Variants in CLHC1 observed in about 807,000 individuals in gnomAD.
CLHC1 encodes the protein clathrin heavy chain linker domain-containing protein 1.
A neutral mutation model predicts 69.5 loss-of-function variants in CLHC1; 72 were observed. The observed-to-expected ratio is 1.04, with a 90% CI of 0.86 to 1.26. The LOEUF (loss-of-function observed/expected upper bound fraction) is 1.26. Ranked by LOEUF, CLHC1 falls within the 50% of genes most tolerant of loss-of-function variation. The pLI, the probability that CLHC1 is intolerant of heterozygous loss-of-function variation, is 0.00. For missense variants in CLHC1, 790 were observed against 679.3 expected (o/e 1.16, Z -1.81); for synonymous variants, 223 against 224.3 (o/e 0.99, Z 0.05).
At chr2:55,176,942 G>A (rs533617768) in intron 12 of CLHC1, among the ~76,000 whole-genome samples, 7 of 152,086 alleles carry the variant, frequency 4.6e-5, no homozygotes, top group Admixed American at 6.5e-5. Flanking sequence ...GCACAGTCAC[G>A]GCTCACTGTA....
chr2:55,229,545 G>T (rs980711909), intron 1 of CLHC1, among the ~76,000 whole-genome samples: 37 of 152,310 alleles, frequency 2.4e-4, no homozygotes, highest in African/African-American at 8.7e-4. Context: ...AGCATGTAGG[G>T]TCTTGAGGGC....
Position 55,175,165 on chromosome 2 carries a change from T to A in CLHC1, c.*625A>T, listed in dbSNP as rs1363544451. 6.6e-6 allele frequency: 1 copy of A among 152,232 alleles called. No homozygotes were observed. The highest frequency in any genetic ancestry group is 2.4e-5 in the African/African-American group (1 of 41,464). 9.4% of individuals were successfully genotyped at this position (152,232 alleles called of 1,614,324 possible). A position where few individuals can be genotyped will look rare whatever the true frequency, so the allele number is the denominator to read the frequency against. Reference sequence around the variant, plus strand: ...ACCACTTCTTATGACATATTTTCCATACCTATAGGTATCACAGGTCTACTT... The same window carrying A: ...ACCACTTCTTATGACATATTTTCCAAACCTATAGGTATCACAGGTCTACTT... On this transcript the variant is annotated 3_prime_UTR_variant, in exon 13 of 13. Transcript: ENST00000401408.
intron 9 of CLHC1, among the ~76,000 whole-genome samples, chr2:55,194,876 T>C (rs1671254435): frequency 6.6e-6 from 1 of 152,142 alleles, no homozygotes; most frequent in African/African-American, 2.4e-5. Context: ...TGTTTGTGCA[T>C]GTGTATTGAG....
At chr2:55,182,990 G>A (rs560447756) in intron 9 of CLHC1, among the ~76,000 whole-genome samples, 15 of 152,154 alleles carry the variant, frequency 9.9e-5, no homozygotes, top group Non-Finnish European at 1.5e-5. Context: ...TAAACTAGGA[G>A]GCAACATTGG....
chr2:55,189,843 C>A (rs1487671557), intron 9 of CLHC1, among the ~76,000 whole-genome samples: 2 of 152,150 alleles, frequency 1.3e-5, no homozygotes, highest in Non-Finnish European at 2.9e-5. Flanking sequence ...AATAACTCTT[C>A]CACCAGAATG....
intron 1 of CLHC1, among the ~76,000 whole-genome samples, chr2:55,228,469 C>CCATT (rs373692544): frequency 4.3e-4 from 66 of 152,308 alleles, no homozygotes; most frequent in Middle Eastern, 3.4e-3. Context: ...ACCAAGATTA[C>CCATT]CATTCATTCA....
intron 1 of CLHC1, among the ~76,000 whole-genome samples, chr2:55,231,514 GGTT>G: frequency 6.6e-6 from 1 of 152,126 alleles, no homozygotes; most frequent in Non-Finnish European, 1.5e-5. Context: ...AGTGAAGGTG[GGTT>G]AGAAAGGAGG....
chr2:55,202,984 T>C (rs1482078367), intron 9 of CLHC1, among the ~76,000 whole-genome samples: 1 of 151,982 alleles, frequency 6.6e-6, no homozygotes, highest in African/African-American at 2.4e-5. Flanking sequence ...AGTGCATTTC[T>C]ATATGCCAAC....
intron 11 of CLHC1, 24 bp from the exon 12 acceptor site, chr2:55,177,805 T>G: frequency 1.3e-6 from 2 of 1,547,460 alleles, no homozygotes; most frequent in Non-Finnish European, 1.8e-6. Flanking sequence ...TGAAAAAGTT[T>G]ATCTCAATGT....
intron 9 of CLHC1, among the ~76,000 whole-genome samples, chr2:55,197,770 C>T (rs186639445): frequency 6.6e-6 from 1 of 152,194 alleles, no homozygotes; most frequent in Admixed American, 6.5e-5. Context: ...CAATAAATAC[C>T]CAGTTCTTCA....
At chr2:55,194,529 A>G (rs1428394729) in intron 9 of CLHC1, among the ~76,000 whole-genome samples, 1 of 152,022 alleles carries the variant, frequency 6.6e-6, no homozygotes, top group African/African-American at 2.4e-5. Flanking sequence ...TCAAAACTGT[A>G]TTGGAGAATT....
chr2:55,230,608 T>C (rs1489702078), intron 1 of CLHC1, among the ~76,000 whole-genome samples: 1 of 152,024 alleles, frequency 6.6e-6, no homozygotes, highest in East Asian at 1.9e-4. Flanking sequence ...GGATACTCCA[T>C]GGTTAGAGGT....
At position 55,209,788 on chromosome 2, in the gene CLHC1, T is replaced by C. The variant is rs1466586328; in HGVS notation, c.543A>G (p.Lys181=). ...QESMNLDALT[K]YMKHLEDKYA... is the part of the protein sequence containing the mutation. The stretch of plus-strand genomic sequence containing the variant: ...ATTTATCTTCAAGATGTTTCATGTA[T>C]TTAGTGAGAGCATCTAGATTCATGG... Residue 181 remains lysine (K), a synonymous_variant, in exon 6 of 13, where the codon AAA becomes AAG. Transcript: ENST00000401408. 6.2e-7 allele frequency: 1 copy of C among 1,611,496 alleles called. No individual in the cohort carries two copies. The highest frequency in any genetic ancestry group is 1.7e-5 in the Admixed American group (1 of 60,024).
At chr2:55,188,176 C>T (rs1005011803) in intron 9 of CLHC1, among the ~76,000 whole-genome samples, 11 of 151,932 alleles carry the variant, frequency 7.2e-5, no homozygotes, top group African/African-American at 2.7e-4. Context: ...ATTAGCCAGG[C>T]GTGGTGGCTC....
At chr2:55,211,073 C>G (rs927573182) in intron 5 of CLHC1, among the ~76,000 whole-genome samples, 1 of 152,146 alleles carries the variant, frequency 6.6e-6, no homozygotes, top group Non-Finnish European at 1.5e-5. Flanking sequence ...CAGAAACTTA[C>G]CTGCATTGAT....
chr2:55,188,770 A>T (rs1670653201), intron 9 of CLHC1, among the ~76,000 whole-genome samples: 1 of 152,198 alleles, frequency 6.6e-6, no homozygotes, highest in Admixed American at 6.5e-5. Context: ...AGCTACATGT[A>T]GAAACAAGGC....
chr2:55,213,944 T>C (rs1673244179), intron 4 of CLHC1, among the ~76,000 whole-genome samples: 1 of 152,136 alleles, frequency 6.6e-6, no homozygotes, highest in Non-Finnish European at 1.5e-5. Context: ...GGAGAGATTC[T>C]GGATAAATTG....
chr2:55,200,327 C>A (rs1434884308), intron 9 of CLHC1, among the ~76,000 whole-genome samples: 1 of 144,696 alleles, frequency 6.9e-6, no homozygotes, highest in Non-Finnish European at 1.5e-5. Flanking sequence ...CACATATAGA[C>A]TGAAAACACA....
At chr2:55,195,614 C>T (rs1182208646) in intron 9 of CLHC1, among the ~76,000 whole-genome samples, 1 of 152,058 alleles carries the variant, frequency 6.6e-6, no homozygotes, top group African/African-American at 2.4e-5. Flanking sequence ...CCAGCCTGGC[C>T]AACATGGTGA....
Sources: allele counts gnomAD v4.1 joint callset (sites outside exome capture counted in the v4.1 genomes callset), GRCh38; gene constraint gnomAD v4.1.1; transcripts MANE v1.5; gene names NCBI Gene and HGNC (gene_info 2026-07-23, HGNC 2026-07-21).